Variants in SETBP1 observed in about 807,000 individuals in gnomAD.
The protein encoded by SETBP1 is SET-binding protein.
Under a neutral mutation model 101.0 loss-of-function variants are expected in SETBP1, and 9 were observed. The ratio of observed to expected loss-of-function variants is 0.09; its 90% CI spans 0.05 to 0.16. SETBP1 has a LOEUF of 0.16. Among genes scored for constraint, SETBP1 ranks in the 10% least tolerant of loss-of-function variants. The pLI is 1.00. For synonymous variants in SETBP1, 818 were observed against 788.5 expected, an observed-to-expected ratio of 1.04 and a Z score of -0.63; for missense variants, 1,858 against 2,033.8, an observed-to-expected ratio of 0.91 and a Z score of 1.66.
intron 4 of SETBP1, among the ~76,000 whole-genome samples, chr18:44,976,168 C>G (rs1394575530): frequency 5.3e-5 from 8 of 151,696 alleles, no homozygotes; most frequent in African/African-American, 1.9e-4. Context: ...AGTATTAAGT[C>G]CCCTTTTGCA....
chr18:45,027,928 G>C (rs75546265), intron 4 of SETBP1, among the ~76,000 whole-genome samples: 1 of 152,066 alleles, frequency 6.6e-6, no homozygotes, highest in Admixed American at 6.6e-5. Context: ...TCTGCATTCC[G>C]TGATCATGAC....
chr18:45,062,441 T>C (rs1272189994), intron 5 of SETBP1, among the ~76,000 whole-genome samples: 1 of 152,160 alleles, frequency 6.6e-6, no homozygotes, highest in Non-Finnish European at 1.5e-5. Flanking sequence ...CACAGCGAGA[T>C]GATGCCATGA....
At chr18:44,833,865 T>C (rs2072431692) in intron 2 of SETBP1, among the ~76,000 whole-genome samples, 1 of 152,250 alleles carries the variant, frequency 6.6e-6, no homozygotes, top group Non-Finnish European at 1.5e-5. Flanking sequence ...TCTTGGACAA[T>C]GTATGTTCTT....
chr18:44,863,658 G>A (rs2069065753), intron 2 of SETBP1, among the ~76,000 whole-genome samples: 1 of 152,160 alleles, frequency 6.6e-6, no homozygotes, highest in African/African-American at 2.4e-5. Flanking sequence ...GAGGAGAGGT[G>A]AAGTAGGAGG....
At chr18:45,000,724 C>G (rs935446124) in intron 4 of SETBP1, among the ~76,000 whole-genome samples, 16 of 151,276 alleles carry the variant, frequency 1.1e-4, no homozygotes, top group Non-Finnish European at 2.2e-4. Context: ...TGATGAAAAC[C>G]TTAAACAGTA....
intron 5 of SETBP1, among the ~76,000 whole-genome samples, chr18:45,046,176 T>C (rs533179105): frequency 6.6e-6 from 1 of 152,364 alleles, no homozygotes; most frequent in East Asian, 1.9e-4. Context: ...TATTCAACTT[T>C]ACCTAGCACC....
At chr18:44,711,218 C>T (rs915943440) in intron 2 of SETBP1, among the ~76,000 whole-genome samples, 1 of 150,186 alleles carries the variant, frequency 6.7e-6, no homozygotes, top group South Asian at 2.2e-4. Context: ...CCCTCCATCC[C>T]TCGCCCATTC....
chr18:44,946,992 G>A (rs192632507), intron 3 of SETBP1, among the ~76,000 whole-genome samples: 12 of 152,278 alleles, frequency 7.9e-5, no homozygotes, highest in East Asian at 7.7e-4. Flanking sequence ...AATACCTGTC[G>A]TAAAATGTAT....
At chr18:44,710,965 T>A (rs2144265521) in intron 2 of SETBP1, among the ~76,000 whole-genome samples, 1 of 152,216 alleles carries the variant, frequency 6.6e-6, no homozygotes, top group African/African-American at 2.4e-5. Flanking sequence ...ACCCAGGTCC[T>A]CAAGAGGCAT....
Position 44,952,422 on chromosome 18 carries a change from A to T in SETBP1, c.3082A>T (p.Thr1028Ser). Residue 1028 changes from threonine (T) to serine (S), a missense_variant, in exon 4 of 6, where the codon ACC (threonine) becomes TCC (serine). Around this residue, in one of 12 missense-constraint regions of SETBP1, gnomAD observed 255 missense variants for 300.1 expected, o/e 0.85. Transcript: ENST00000649279. ...KRGRPAKTND[T>S]MTKVPFLQGF... ...TGGTAGGCCTGCAAAAACCAATGAC[A>T]CCATGACAAAGGTGCCTTTTTTACA... 1 of 1,614,082 alleles carries T rather than the reference A, an allele frequency of 6.2e-7. No homozygotes were observed. Among genetic ancestry groups the T allele is most frequent in the Non-Finnish European group, 8.5e-7 (1 of 1,180,016 alleles).
At chr18:44,908,512 G>A (rs540706540) in intron 3 of SETBP1, among the ~76,000 whole-genome samples, 17 of 152,272 alleles carry the variant, frequency 1.1e-4, no homozygotes, top group African/African-American at 4.1e-4. Context: ...ATAAGTATCA[G>A]GGTTTATTTC....
intron 3 of SETBP1, among the ~76,000 whole-genome samples, chr18:44,905,198 T>C (rs2144851118): frequency 6.6e-6 from 1 of 152,164 alleles, no homozygotes; most frequent in Middle Eastern, 3.4e-3. Context: ...AAAACAAAGC[T>C]GGAACAGAAA....
intron 2 of SETBP1, among the ~76,000 whole-genome samples, chr18:44,769,346 C>G (rs900205216): frequency 2.0e-5 from 3 of 152,184 alleles, no homozygotes; most frequent in African/African-American, 7.2e-5. Flanking sequence ...CTAACAAATG[C>G]AAGTCCCTTG....
rs535100735 is a variant in SETBP1 at position 45,065,233 on chromosome 18, C to G, written c.*1535C>G. ...GAATGAATATGAAGAATTCCATTTC[C>G]GTAGATGTTTTCTAAAAGTCAGATT... On this transcript the variant is annotated 3_prime_UTR_variant, in exon 6 of 6. Transcript: ENST00000649279. 1 of 152,138 alleles carries G rather than the reference C, an allele frequency of 6.6e-6. No individual in the cohort carries two copies. The highest frequency in any genetic ancestry group is 2.4e-5 in the African/African-American group (1 of 41,416). 9.4% of individuals were successfully genotyped at this position (152,138 alleles called of 1,614,324 possible). A position where few individuals can be genotyped will look rare whatever the true frequency, so the allele number is the denominator to read the frequency against.
At chr18:44,906,808 C>A (rs1327797782) in intron 3 of SETBP1, among the ~76,000 whole-genome samples, 1 of 152,102 alleles carries the variant, frequency 6.6e-6, no homozygotes, top group Non-Finnish European at 1.5e-5. Flanking sequence ...AATTGTATGA[C>A]CTTGATAATG....
chr18:44,907,741 G>C (rs1186591002), intron 3 of SETBP1, among the ~76,000 whole-genome samples: 1 of 152,126 alleles, frequency 6.6e-6, no homozygotes, highest in Non-Finnish European at 1.5e-5. Context: ...ATGTGTTCTG[G>C]ATAGAAGTCT....
chr18:44,898,555 G>T (rs562341320), intron 3 of SETBP1, among the ~76,000 whole-genome samples: 1 of 152,202 alleles, frequency 6.6e-6, no homozygotes, highest in Admixed American at 6.5e-5. Flanking sequence ...CTCTCAAGGG[G>T]CCCCAATTTC....
intron 2 of SETBP1, among the ~76,000 whole-genome samples, chr18:44,805,151 G>A (rs1173148749): frequency 6.6e-6 from 1 of 152,100 alleles, no homozygotes; most frequent in Non-Finnish European, 1.5e-5. Flanking sequence ...GCTGATAGAG[G>A]AAGTTTTCTC....
At chr18:44,769,399 A>T (rs1004649808) in intron 2 of SETBP1, among the ~76,000 whole-genome samples, 4 of 152,220 alleles carry the variant, frequency 2.6e-5, no homozygotes, top group African/African-American at 9.6e-5. Context: ...TATTTTTTTC[A>T]GACCACAAGA....
Sources: gnomAD v4.1 joint callset for allele counts (sites outside exome capture counted in the v4.1 genomes callset) on GRCh38, gnomAD v4.1.1 for gene constraint, gnomAD v4.1.1 regional missense constraint, MANE v1.5 for transcripts, NCBI Gene and HGNC (gene_info 2026-07-23, HGNC 2026-07-21) for gene names.